Variants in ZNG1F observed in about 807,000 individuals in gnomAD.
The protein encoded by ZNG1F is Zn regulated GTPase metalloprotein activator 1F.
chr9:41,159,173 T>G, the ZNG1F span, among the ~76,000 whole-genome samples: 5 of 150,848 alleles, frequency 3.3e-5, no homozygotes, highest in Non-Finnish European at 7.4e-5. Context: ...TTTCCAGTGG[T>G]CATCTCTTCA....
the ZNG1F span, chr9:41,157,347 C>A: frequency 7.3e-6 from 1 of 136,500 alleles, no homozygotes; most frequent in Non-Finnish European, 1.6e-5. Flanking sequence ...ACCTGTAGTC[C>A]CAGCTACTCG....
chr9:41,183,726 C>T, the ZNG1F span: 1 of 1,603,530 alleles, frequency 6.2e-7, no homozygotes, highest in Non-Finnish European at 8.5e-7. Context: ...CAACAAAAAA[C>T]AAAGATGAGG....
the ZNG1F span, among the ~76,000 whole-genome samples, chr9:41,154,883 C>T: frequency 6.7e-6 from 1 of 149,376 alleles, no homozygotes; most frequent in Non-Finnish European, 1.5e-5. Flanking sequence ...AAATGTTAGA[C>T]CTAAAACCAT....
chr9:41,183,587 G>A, the ZNG1F span: 889,553 of 1,591,364 alleles, frequency 0.56, 272,257 homozygotes, highest in Non-Finnish European at 0.59. Flanking sequence ...AGAGGCAACC[G>A]TTTCTAAGTT....
chr9:41,144,691 G>A, the ZNG1F span, among the ~76,000 whole-genome samples: 2 of 148,450 alleles, frequency 1.3e-5, no homozygotes, highest in East Asian at 2.0e-4. Context: ...AGGGTTTTAA[G>A]AGGAACAAAG....
chr9:41,159,174 C>T, the ZNG1F span, among the ~76,000 whole-genome samples: 1 of 150,838 alleles, frequency 6.6e-6, no homozygotes, highest in Admixed American at 6.7e-5. Context: ...TTCCAGTGGT[C>T]ATCTCTTCAA....
At chr9:41,154,731 C>T in the ZNG1F span, among the ~76,000 whole-genome samples, 2 of 149,716 alleles carry the variant, frequency 1.3e-5, no homozygotes, top group South Asian at 4.2e-4. Context: ...CTTTGACAAA[C>T]CTGAGAAAAA....
chr9:41,150,639 C>A, the ZNG1F span, among the ~76,000 whole-genome samples: 1 of 94,050 alleles, frequency 1.1e-5, no homozygotes, highest in South Asian at 4.5e-4. Context: ...AACGGGCAGA[C>A]TGCCTCCTCA....
chr9:41,134,036 T>C, the ZNG1F span: 1 of 413,832 alleles, frequency 2.4e-6, no homozygotes, highest in Non-Finnish European at 4.4e-6. Context: ...ATTCATTCTT[T>C]CGTGGATTCT....
the ZNG1F span, chr9:41,158,870 GAAA>G: frequency 1.5e-5 from 1 of 64,650 alleles, no homozygotes; most frequent in Non-Finnish European, 3.1e-5. Flanking sequence ...AAATCGCCAA[GAAA>G]AAAAAAAAAA....
chr9:41,164,809 C>T, the ZNG1F span: 1 of 385,522 alleles, frequency 2.6e-6, no homozygotes, highest in Admixed American at 4.9e-5. Context: ...CTATATTCTG[C>T]AAGCACTGGG....
the ZNG1F span, among the ~76,000 whole-genome samples, chr9:41,184,049 C>T: frequency 2.6e-5 from 4 of 150,964 alleles, no homozygotes; most frequent in Admixed American, 6.7e-5. Context: ...TAAGAGACTG[C>T]CTTATCTATC....
At chr9:41,139,536 C>T in the ZNG1F span, among the ~76,000 whole-genome samples, 79 of 149,172 alleles carry the variant, frequency 5.3e-4, 1 homozygote, top group African/African-American at 1.6e-3. Flanking sequence ...GGCTCTAGAA[C>T]GCCCAAAAAC....
chr9:41,187,180 C>T, the ZNG1F span, among the ~76,000 whole-genome samples: 1 of 143,808 alleles, frequency 7.0e-6, no homozygotes, highest in Non-Finnish European at 1.5e-5. Flanking sequence ...GTTTCTAATA[C>T]GTTACAGATT....
the ZNG1F span, among the ~76,000 whole-genome samples, chr9:41,185,041 G>A: frequency 1.0e-2 from 1,332 of 133,344 alleles, 64 homozygotes; most frequent in African/African-American, 0.03. Context: ...AAAAGAAATC[G>A]TCTAATAGAT....
chr9:41,185,189 C>A, the ZNG1F span, among the ~76,000 whole-genome samples: 1 of 143,970 alleles, frequency 6.9e-6, no homozygotes, highest in Admixed American at 7.2e-5. Context: ...AGAAGTTAAG[C>A]ACACTTATTT....
the ZNG1F span, among the ~76,000 whole-genome samples, chr9:41,193,757 G>T: frequency 6.6e-6 from 1 of 151,864 alleles, no homozygotes; most frequent in Non-Finnish European, 1.5e-5. Flanking sequence ...AAAATTAGCT[G>T]GGTGTGGTGG....
At chr9:41,174,071 A>C in the ZNG1F span, among the ~76,000 whole-genome samples, 2 of 147,172 alleles carry the variant, frequency 1.4e-5, no homozygotes, top group Non-Finnish European at 3.0e-5. Flanking sequence ...AAAATCCAAA[A>C]ATTAGCCAGG....
the ZNG1F span, among the ~76,000 whole-genome samples, chr9:41,155,321 G>A: frequency 2.7e-5 from 4 of 150,302 alleles, no homozygotes; most frequent in South Asian, 8.4e-4. Flanking sequence ...TCTCACACCA[G>A]TTAGAATGGC....
Sources: allele counts gnomAD v4.1 joint callset (sites outside exome capture counted in the v4.1 genomes callset), GRCh38; gene constraint gnomAD v4.1.1; transcripts MANE v1.5; gene names NCBI Gene and HGNC (gene_info 2026-07-23, HGNC 2026-07-21).